Variants in AVEN observed in about 807,000 individuals in gnomAD.
AVEN encodes apoptosis and caspase activation inhibitor, also known as cell death regulator Aven.
A neutral mutation model predicts 38.1 loss-of-function variants in AVEN; 41 were observed. The ratio of observed to expected loss-of-function variants is 1.08; its 90% CI spans 0.84 to 1.40. The LOEUF (loss-of-function observed/expected upper bound fraction) is 1.40. Among genes scored for constraint, AVEN ranks in the 40% most tolerant of loss-of-function variants. AVEN has a pLI of 0.00. For missense variants in AVEN, 605 were observed against 438.8 expected (o/e 1.38, Z -3.38); for synonymous variants, 206 against 171.8 (o/e 1.20, Z -1.56).
At chr15:33,992,118 GGTT>G (rs1163079363) in intron 2 of AVEN, 4 of 152,270 alleles carry the variant, frequency 2.6e-5, no homozygotes, top group Non-Finnish European at 5.9e-5. Flanking sequence ...CGGGCGCGAT[GGTT>G]CACGCCTGTA....
chr15:33,909,945 T>C (rs933105095), intron 2 of AVEN, among the ~76,000 whole-genome samples: 36 of 144,576 alleles, frequency 2.5e-4, no homozygotes, highest in African/African-American at 9.9e-4. Context: ...CCTGGCCAAA[T>C]ACAAAAAATT....
chr15:33,994,233 T>C (rs1187892728), intron 2 of AVEN, among the ~76,000 whole-genome samples: 2 of 152,214 alleles, frequency 1.3e-5, no homozygotes, highest in Non-Finnish European at 2.9e-5. Context: ...AGCAGCAGCA[T>C]TCGATTCTCA....
intron 1 of AVEN, among the ~76,000 whole-genome samples, chr15:34,027,538 A>G (rs1192355952): frequency 6.6e-6 from 1 of 151,362 alleles, no homozygotes; most frequent in African/African-American, 2.4e-5. Flanking sequence ...CAAAAAAAAA[A>G]AAAGAAAGAA....
At chr15:33,976,424 T>G (rs1456835485) in intron 2 of AVEN, among the ~76,000 whole-genome samples, 1 of 151,776 alleles carries the variant, frequency 6.6e-6, no homozygotes, top group Non-Finnish European at 1.5e-5. Flanking sequence ...TTAAGTAGAG[T>G]TATTTTAAAC....
intron 2 of AVEN, among the ~76,000 whole-genome samples, chr15:33,894,828 ACAATAATAAT>A (rs1892161634): frequency 4.4e-4 from 4 of 9,162 alleles, no homozygotes; most frequent in South Asian, 9.3e-3. Context: ...AAAAATAATA[ACAATAATAAT>A]AATAATAATA....
At chr15:34,053,319 A>AAAATAT (rs775436850) in intron 5 of AVEN, among the ~76,000 whole-genome samples, 65 of 42,044 alleles carry the variant, frequency 1.5e-3, no homozygotes, top group South Asian at 4.5e-3. Context: ...AAAAAAAAAA[A>AAAATAT]ATATATATAT....
intron 2 of AVEN, among the ~76,000 whole-genome samples, chr15:33,977,484 G>A (rs1895935972): frequency 2.0e-5 from 3 of 151,998 alleles, no homozygotes; most frequent in Non-Finnish European, 2.9e-5. Flanking sequence ...CTTTTGTTAG[G>A]AGGCTATGAC....
chr15:33,947,354 G>C (rs1385242541), intron 2 of AVEN, among the ~76,000 whole-genome samples: 1 of 152,182 alleles, frequency 6.6e-6, no homozygotes, highest in Non-Finnish European at 1.5e-5. Context: ...TGAAAACTGA[G>C]AGGTAAACCC....
In AVEN at chr15:34,019,038, C is replaced by T. The variant is rs573866592; in HGVS notation, c.268-15829G>A. ...ACTAGACACAGAGCGCTGATTGGTG[C>T]GTTTTTTTTACAGAGTGCTGATTGG... On this transcript the variant is annotated intron_variant, in intron 1 of 5. Coordinates refer to ENST00000306730, the MANE Select transcript of AVEN (RefSeq NM_020371.3). Among the ~76,000 whole-genome samples the T allele has an allele frequency of 1.0e-4, 15 of 149,638 alleles. No homozygotes were observed. The East Asian group carries it at 1.2e-3, about 12-fold the overall frequency.
At chr15:33,939,158 C>T (rs773932763) in intron 2 of AVEN, among the ~76,000 whole-genome samples, 8 of 152,254 alleles carry the variant, frequency 5.3e-5, no homozygotes, top group African/African-American at 1.7e-4. Flanking sequence ...TTTCTTTCAA[C>T]GGCACTGCCA....
intron 2 of AVEN, among the ~76,000 whole-genome samples, chr15:33,936,209 A>G (rs1317395215): frequency 1.3e-5 from 2 of 152,290 alleles, no homozygotes; most frequent in East Asian, 3.9e-4. Context: ...TAAGAAAAAG[A>G]TCAGTAGTAG....
intron 2 of AVEN, among the ~76,000 whole-genome samples, chr15:33,889,142 G>A (rs750765836): frequency 6.6e-6 from 1 of 151,804 alleles, no homozygotes; most frequent in African/African-American, 2.4e-5. Context: ...TTAATATTTT[G>A]AACATCTTCC....
chr15:33,982,580 A>T (rs183898093), intron 2 of AVEN, among the ~76,000 whole-genome samples: 53 of 152,312 alleles, frequency 3.5e-4, no homozygotes, highest in African/African-American at 1.1e-3. Context: ...TCCTTTTTTA[A>T]GATTTTACAA....
chr15:33,924,915 T>A (rs1333098058), intron 2 of AVEN, among the ~76,000 whole-genome samples: 5 of 152,208 alleles, frequency 3.3e-5, no homozygotes, highest in Admixed American at 3.3e-4. Flanking sequence ...ACATATATTT[T>A]AAAATATGAA....
chr15:34,062,993 C>G (rs747419021), exon 5 of AVEN: 1 of 1,614,226 alleles, frequency 6.2e-7, no homozygotes, highest in Non-Finnish European at 8.5e-7. Context: ...CCTACATCCT[C>G]ATGGGACGCT....
At chr15:33,999,715 C>A (rs73387938) in intron 2 of AVEN, among the ~76,000 whole-genome samples, 1 of 152,184 alleles carries the variant, frequency 6.6e-6, no homozygotes, top group African/African-American at 2.4e-5. Context: ...CCGCTGCTTA[C>A]CTGGATTATT....
chr15:33,903,338 A>G (rs560093346), intron 2 of AVEN, among the ~76,000 whole-genome samples: 1 of 152,234 alleles, frequency 6.6e-6, no homozygotes, highest in African/African-American at 2.4e-5. Context: ...GTGCAGCAAC[A>G]GCAGGTCTTC....
At chr15:33,910,673 G>T (rs1892883920) in intron 2 of AVEN, among the ~76,000 whole-genome samples, 1 of 152,196 alleles carries the variant, frequency 6.6e-6, no homozygotes, top group Non-Finnish European at 1.5e-5. Context: ...GCTAGAAGGA[G>T]ATCTGTCTAA....
intron 1 of AVEN, among the ~76,000 whole-genome samples, chr15:34,014,458 A>T (rs1235896971): frequency 2.0e-5 from 3 of 151,760 alleles, no homozygotes; most frequent in Non-Finnish European, 4.4e-5. Context: ...AGGTCCCCTG[A>T]TAAAAAATAC....
Sources: gnomAD v4.1 joint callset for allele counts (sites outside exome capture counted in the v4.1 genomes callset) on GRCh38, gnomAD v4.1.1 for gene constraint, MANE v1.5 for transcripts, NCBI Gene and HGNC (gene_info 2026-07-23, HGNC 2026-07-21) for gene names.